The following PKP4 variants were observed in gnomAD, a reference collection of about 807,000 sequenced individuals.
PKP4 encodes plakophilin 4.
Under a neutral mutation model 145.1 loss-of-function variants are expected in PKP4, and 90 were observed. The observed-to-expected ratio is 0.62, with a 90% CI of 0.52 to 0.74. PKP4 has a LOEUF of 0.74. Ranked by LOEUF, PKP4 falls within the 30% of genes least tolerant of loss-of-function variation. The probability of loss-of-function intolerance (pLI) is 0.00; values close to 1 mark genes in which losing one functional copy is unlikely to be tolerated. For synonymous variants in PKP4, 563 were observed against 577.2 expected (o/e 0.98, Z 0.35); for missense variants, 1,340 against 1,482.7 (o/e 0.90, Z 1.58).
At chr2:158,631,550 A>AT (rs955590667) in intron 7 of PKP4, among the ~76,000 whole-genome samples, 18 of 147,778 alleles carry the variant, frequency 1.2e-4, no homozygotes, top group Middle Eastern at 3.5e-3. Flanking sequence ...CACCCAACTA[A>AT]TTTTTTTTTT....
intron 15 of PKP4, chr2:158,665,867 A>C (rs1428502910): frequency 1.3e-5 from 2 of 152,218 alleles, no homozygotes; most frequent in Non-Finnish European, 2.9e-5. Flanking sequence ...AGGCTGTATG[A>C]ATTATGATGC....
At chr2:158,508,386 A>AAAG (rs1330566209) in intron 1 of PKP4, among the ~76,000 whole-genome samples, 2 of 27,128 alleles carry the variant, frequency 7.4e-5, no homozygotes, top group African/African-American at 2.3e-4. Context: ...AAAAAAAAAA[A>AAAG]AAGAAGAAGA....
At chr2:158,489,149 TAG>T (rs1372223348) in intron 1 of PKP4, among the ~76,000 whole-genome samples, 1 of 152,060 alleles carries the variant, frequency 6.6e-6, no homozygotes, top group Non-Finnish European at 1.5e-5. Flanking sequence ...CCACATACAG[TAG>T]AGTCATTTTT....
chr2:158,578,605 C>G (rs1490632735), intron 3 of PKP4, among the ~76,000 whole-genome samples: 1 of 152,012 alleles, frequency 6.6e-6, no homozygotes, highest in Non-Finnish European at 1.5e-5. Context: ...CTCACAAACT[C>G]AATAATATGG....
intron 3 of PKP4, chr2:158,588,254 G>A (rs2048971233): frequency 6.6e-6 from 1 of 152,096 alleles, no homozygotes. Context: ...GCTTTCTGAA[G>A]TAGCTCAACA....
rs559443382 is a variant in PKP4 at position 158,669,810 on chromosome 2, G to T, written c.2819G>T (p.Cys940Phe). Residue 940 changes from cysteine to phenylalanine, a missense_variant, in exon 17 of 22, where the codon TGT (cysteine) becomes TTT (phenylalanine). Cys to Phe is a radical substitution (Grantham distance 205). Transcript: ENST00000389759. ...GATGAGACCATGGCAGCCATCTGCTGTGCTCTGCACGAGGTCACCAGCAAA... is the reference window on the plus strand; with the variant it reads ...GATGAGACCATGGCAGCCATCTGCTTTGCTCTGCACGAGGTCACCAGCAAA... ...LSDETMAAIC[C>F]ALHEVTSKNM... is the part of the protein sequence containing the mutation. 1.9e-6 allele frequency: 3 copies of T among 1,614,100 alleles called. No individual in the cohort carries two copies. The South Asian group carries it at 3.3e-5, about 18-fold the overall frequency.
At chr2:158,497,559 A>C (rs1383286406) in intron 1 of PKP4, among the ~76,000 whole-genome samples, 1 of 152,238 alleles carries the variant, frequency 6.6e-6, no homozygotes, top group Non-Finnish European at 1.5e-5. Context: ...GGAAACTCAC[A>C]GAGTGGTGGT....
chr2:158,680,853 G>T lies in PKP4; in HGVS notation c.*176G>T, dbSNP rs529072011. ...CAGGGAAGTGAGGAAATGTTTGGGA[G>T]AGGACTTTCTAAGCTCTATTTAGGT... On this transcript the variant is annotated 3_prime_UTR_variant, in exon 22 of 22. Coordinates refer to ENST00000389759, the MANE Select transcript of PKP4 (RefSeq NM_003628.6). 1 of 603,892 alleles carries T rather than the reference G, an allele frequency of 1.7e-6. No homozygotes were observed. The highest frequency in any genetic ancestry group is 2.2e-5 in the South Asian group (1 of 44,532). The allele number at this position is 603,892 out of a possible 1,614,324, so 37.4% of individuals were successfully genotyped here.
chr2:158,606,414 A>G lies in PKP4; in HGVS notation c.280+3310A>G, dbSNP rs1416524542. ...CAAACACGTTATTATCCTTTTTATT[A>G]TAGCCGTCCTAGTGGGTGTGAAGTA... On this transcript the variant is annotated intron_variant, in intron 4 of 21. Coordinates refer to ENST00000389759, the MANE Select transcript of PKP4 (RefSeq NM_003628.6). Among the ~76,000 whole-genome samples the G allele has an allele frequency of 1.3e-5, 2 of 152,066 alleles. 1 individual carries two copies. The highest frequency in any genetic ancestry group is 6.4e-3 in the Middle Eastern group (2 of 314).
chr2:158,514,028 C>T (rs1184679906), intron 1 of PKP4, among the ~76,000 whole-genome samples: 1 of 152,216 alleles, frequency 6.6e-6, no homozygotes, highest in Non-Finnish European at 1.5e-5. Context: ...GCATTTATCA[C>T]ACTATTTTTA....
At chr2:158,462,878 G>A (rs1280084630) in intron 1 of PKP4, among the ~76,000 whole-genome samples, 4 of 152,174 alleles carry the variant, frequency 2.6e-5, no homozygotes, top group Non-Finnish European at 5.9e-5. Context: ...ATTAATACAT[G>A]TAAAGTGCTT....
intron 2 of PKP4, among the ~76,000 whole-genome samples, chr2:158,534,053 T>C (rs976978045): frequency 6.6e-6 from 1 of 152,202 alleles, no homozygotes; most frequent in Non-Finnish European, 1.5e-5. Context: ...AACAACATTA[T>C]GTGTCCCCTG....
chr2:158,484,459 A>G (rs1042747286), intron 1 of PKP4, among the ~76,000 whole-genome samples: 5 of 152,118 alleles, frequency 3.3e-5, no homozygotes, highest in Non-Finnish European at 7.4e-5. Context: ...TGCTGTCCTG[A>G]TTTGGTGAAT....
chr2:158,552,539 G>A (rs893885882), intron 2 of PKP4, among the ~76,000 whole-genome samples: 4 of 151,794 alleles, frequency 2.6e-5, no homozygotes, highest in African/African-American at 9.7e-5. Context: ...CAAAACGTTG[G>A]TAGAAATGTG....
At chr2:158,501,073 G>T (rs913213151) in intron 1 of PKP4, among the ~76,000 whole-genome samples, 2 of 152,120 alleles carry the variant, frequency 1.3e-5, no homozygotes, top group African/African-American at 2.4e-5. Flanking sequence ...GGGACAACAG[G>T]CATCTTGGAA....
chr2:158,637,111 C>T (rs966282624), intron 9 of PKP4, among the ~76,000 whole-genome samples: 4 of 152,174 alleles, frequency 2.6e-5, no homozygotes, highest in Admixed American at 2.0e-4. Context: ...ATTAAGTTGT[C>T]TCCTGTTAGG....
chr2:158,597,435 T>C (rs1157220628), intron 3 of PKP4, among the ~76,000 whole-genome samples: 2 of 152,242 alleles, frequency 1.3e-5, no homozygotes, highest in African/African-American at 4.8e-5. Flanking sequence ...TCAAGAAGGC[T>C]GCAGTCTGCT....
chr2:158,641,252 C>T (rs548030502), intron 10 of PKP4, among the ~76,000 whole-genome samples: 57 of 151,786 alleles, frequency 3.8e-4, no homozygotes, highest in African/African-American at 1.3e-3. Context: ...GCGGGAGAAT[C>T]ACTTGAACCT....
chr2:158,475,820 C>T (rs1193042220), intron 1 of PKP4, among the ~76,000 whole-genome samples: 3 of 152,194 alleles, frequency 2.0e-5, no homozygotes. Context: ...ACCAGATAAA[C>T]TACATGCACT....
Sources: allele counts gnomAD v4.1 joint callset (sites outside exome capture counted in the v4.1 genomes callset), GRCh38; gene constraint gnomAD v4.1.1; transcripts MANE v1.5; gene names NCBI Gene and HGNC (gene_info 2026-07-23, HGNC 2026-07-21).